The following TCERG1L variants were observed in gnomAD, a reference collection of about 807,000 sequenced individuals.
The protein encoded by TCERG1L is transcription elongation regulator 1 like.
TCERG1L carries 37 observed loss-of-function variants against 56.3 expected under a neutral mutation model. The observed-to-expected ratio is 0.66, with a 90% CI of 0.51 to 0.87. TCERG1L has a LOEUF of 0.87. TCERG1L is among the 40% of genes least tolerant of loss of function. The pLI is 0.00. For missense variants in TCERG1L, 799 were observed against 774.2 expected (o/e 1.03, Z -0.38); for synonymous variants, 324 against 326.3 (o/e 0.99, Z 0.08).
chr10:131,174,475 T>G (rs1846126389), intron 4 of TCERG1L, among the ~76,000 whole-genome samples: 1 of 152,016 alleles, frequency 6.6e-6, no homozygotes, highest in Non-Finnish European at 1.5e-5. Flanking sequence ...AGAGGTCCCC[T>G]GGTCGGGGCT....
intron 6 of TCERG1L, among the ~76,000 whole-genome samples, chr10:131,148,403 TACAGAGACACACATGCAC>T (rs1271571928): frequency 6.8e-6 from 1 of 146,902 alleles, no homozygotes; most frequent in Non-Finnish European, 1.5e-5. Flanking sequence ...CACACAGATA[TACAGAGACACACATGCAC>T]ACAGAGACAC....
At chr10:131,205,463 G>A (rs1168674132) in intron 4 of TCERG1L, among the ~76,000 whole-genome samples, 3 of 152,080 alleles carry the variant, frequency 2.0e-5, no homozygotes, top group Non-Finnish European at 4.4e-5. Context: ...TACATTAGAT[G>A]TGAATTATTC....
intron 3 of TCERG1L, among the ~76,000 whole-genome samples, chr10:131,272,588 G>A (rs1846351554): frequency 6.6e-6 from 1 of 152,118 alleles, no homozygotes; most frequent in Non-Finnish European, 1.5e-5. Flanking sequence ...TGTGCCTGGG[G>A]ACCCCAGTGC....
At chr10:131,163,375 G>T (rs1845997864) in intron 5 of TCERG1L, among the ~76,000 whole-genome samples, 165 bp from the exon 6 acceptor site, 1 of 152,228 alleles carries the variant, frequency 6.6e-6, no homozygotes, top group African/African-American at 2.4e-5. Flanking sequence ...GGTTCTGCCA[G>T]GAACAGGGAG....
chr10:131,166,925 C>T (rs1275917530), intron 4 of TCERG1L, 40 bp from the exon 5 acceptor site: 2 of 1,573,628 alleles, frequency 1.3e-6, no homozygotes, highest in African/African-American at 1.3e-5. Context: ...TTTCATTTGT[C>T]ACAGTAGTTT....
intron 4 of TCERG1L, among the ~76,000 whole-genome samples, chr10:131,205,094 G>A (rs1444003153): frequency 6.6e-6 from 1 of 152,138 alleles, no homozygotes; most frequent in Non-Finnish European, 1.5e-5. Flanking sequence ...CTCAATGGCA[G>A]CCTCTCCCAA....
chr10:131,159,098 G>C (rs1001162222), intron 6 of TCERG1L, among the ~76,000 whole-genome samples: 2 of 152,256 alleles, frequency 1.3e-5, no homozygotes, highest in African/African-American at 2.4e-5. Context: ...CTGCGGGGCA[G>C]GTGGGTTCTC....
chr10:131,102,590 G>A (rs1389083821), intron 10 of TCERG1L, among the ~76,000 whole-genome samples: 5 of 152,166 alleles, frequency 3.3e-5, no homozygotes, highest in Admixed American at 2.0e-4. Context: ...CACCAACATG[G>A]GGGCCCCTGG....
chr10:131,251,067 G>A (rs1366843621), intron 4 of TCERG1L, among the ~76,000 whole-genome samples: 2 of 151,564 alleles, frequency 1.3e-5, no homozygotes, highest in African/African-American at 2.4e-5. Context: ...CTCTCAGGCC[G>A]TGGGTCCGTC....
chr10:131,180,204 T>C (rs574782491), intron 4 of TCERG1L, among the ~76,000 whole-genome samples: 1 of 152,248 alleles, frequency 6.6e-6, no homozygotes, highest in African/African-American at 2.4e-5. Context: ...ATCTATATGA[T>C]ACGGGAATGG....
chr10:131,225,738 A>AC (rs112938760), intron 4 of TCERG1L, among the ~76,000 whole-genome samples: 1,595 of 149,776 alleles, frequency 0.011, 28 homozygotes, highest in African/African-American at 0.028. Flanking sequence ...CCCCAATGTG[A>AC]CCCCCCTCCC....
In TCERG1L at chr10:131,311,484, C is replaced by T; in HGVS notation, c.152G>A (p.Arg51Gln). 4 of 1,187,648 alleles carry T rather than the reference C, an allele frequency of 3.4e-6. No individual in the cohort carries two copies. Among genetic ancestry groups the T allele is most frequent in the African/African-American group, 1.6e-5 (1 of 61,630 alleles). The allele number at this position is 1,187,648 out of a possible 1,614,324, so 73.6% of individuals were successfully genotyped here. A position where few individuals can be genotyped will look rare whatever the true frequency, so the allele number is the denominator to read the frequency against. Residue 51 changes from arginine (R) to glutamine (Q), a missense_variant, in exon 1 of 12, where the codon CGG becomes CAG. Arg to Gln is a conservative substitution (Grantham distance 43). Transcript: ENST00000368642. The surrounding 1 kb of genome is among the most constrained non-coding windows in gnomAD (Gnocchi z 4.0). The stretch of plus-strand genomic sequence containing the variant: ...GGGAACCACGACCCCCGCGCTGAGC[C>T]GGAGCAGCCCGGCCGAGCCCGGCAC... ...WMVPGSAGLL[R>Q]LSAGVVVPPV...
At chr10:131,309,707 T>C (rs1327029325) in intron 1 of TCERG1L, among the ~76,000 whole-genome samples, 3 of 152,024 alleles carry the variant, frequency 2.0e-5, no homozygotes, top group Non-Finnish European at 2.9e-5. Context: ...CCTTTCAGCA[T>C]TGCATTTTGT....
chr10:131,102,593 G>T (rs1845314617), intron 10 of TCERG1L, among the ~76,000 whole-genome samples: 1 of 152,166 alleles, frequency 6.6e-6, no homozygotes, highest in East Asian at 1.9e-4. Flanking sequence ...CAACATGGGG[G>T]CCCCTGGTCA....
chr10:131,279,074 C>T (rs148965513), intron 3 of TCERG1L, among the ~76,000 whole-genome samples: 7 of 152,334 alleles, frequency 4.6e-5, no homozygotes, highest in Non-Finnish European at 1.0e-4. Context: ...CCTTCCTGAG[C>T]CTAGTCCAGC....
chr10:131,156,852 G>T (rs1215384357), intron 6 of TCERG1L, among the ~76,000 whole-genome samples: 1 of 152,118 alleles, frequency 6.6e-6, no homozygotes, highest in Non-Finnish European at 1.5e-5. Flanking sequence ...CTCACTTGGG[G>T]AGCTCAGCTC....
chr10:131,208,450 C>T (rs752854166), intron 4 of TCERG1L, among the ~76,000 whole-genome samples: 1 of 152,178 alleles, frequency 6.6e-6, no homozygotes, highest in Non-Finnish European at 1.5e-5. Context: ...AGACCAGCTG[C>T]CGAGAACGCC....
intron 8 of TCERG1L, among the ~76,000 whole-genome samples, chr10:131,126,385 T>G (rs1225400548): frequency 1.3e-5 from 2 of 152,176 alleles, no homozygotes; most frequent in Admixed American, 6.5e-5. Flanking sequence ...TGGGAAGAGC[T>G]GAAGTCTCTC....
At chr10:131,180,501 C>T (rs988991367) in intron 4 of TCERG1L, among the ~76,000 whole-genome samples, 7 of 152,208 alleles carry the variant, frequency 4.6e-5, no homozygotes, top group Admixed American at 1.3e-4. Flanking sequence ...TTTTCGGGTA[C>T]TATCCACTGC....
Sources: gnomAD v4.1 joint callset for allele counts (sites outside exome capture counted in the v4.1 genomes callset) on GRCh38, gnomAD v4.1.1 for gene constraint, Gnocchi (gnomAD v3.1) non-coding constraint, MANE v1.5 for transcripts, NCBI Gene and HGNC (gene_info 2026-07-23, HGNC 2026-07-21) for gene names.